The following TAFA1 variants were observed in gnomAD, a reference collection of about 807,000 sequenced individuals.
The protein encoded by TAFA1 is chemokine-like protein TAFA-1.
A neutral mutation model predicts 18.5 loss-of-function variants in TAFA1; 4 were observed. The observed-to-expected ratio is 0.22, with a 90% CI of 0.11 to 0.49. The LOEUF is 0.49. TAFA1 is among the 20% of genes least tolerant of loss of function. TAFA1 has a pLI of 0.98. For synonymous variants in TAFA1, 56 were observed against 55.2 expected, an observed-to-expected ratio of 1.01 and a Z score of -0.06; for missense variants, 147 against 169.0, an observed-to-expected ratio of 0.87 and a Z score of 0.72.
chr3:68,469,400 C>T (rs1007958914), intron 3 of TAFA1, among the ~76,000 whole-genome samples: 6 of 152,070 alleles, frequency 3.9e-5, no homozygotes, highest in African/African-American at 7.2e-5. Context: ...GAGGGCCGGG[C>T]GCAGTGGCTC....
At chr3:68,362,314 G>C (rs767815352) in intron 2 of TAFA1, among the ~76,000 whole-genome samples, 1 of 152,118 alleles carries the variant, frequency 6.6e-6, no homozygotes, top group Admixed American at 6.6e-5. Context: ...AAAAGGGGAT[G>C]TCATTATTCA....
intron 2 of TAFA1, among the ~76,000 whole-genome samples, chr3:68,098,123 TG>T (rs2065108632): frequency 6.6e-6 from 1 of 152,214 alleles, no homozygotes; most frequent in Non-Finnish European, 1.5e-5. Flanking sequence ...TGCAGAATTA[TG>T]TTATTCCTTT....
At chr3:68,232,493 T>C (rs568391259) in intron 2 of TAFA1, among the ~76,000 whole-genome samples, 1 of 152,234 alleles carries the variant, frequency 6.6e-6, no homozygotes, top group East Asian at 1.9e-4. Flanking sequence ...TTTTGGCTAT[T>C]GTGAATAGTG....
chr3:68,103,774 C>T (rs559171592), intron 2 of TAFA1, among the ~76,000 whole-genome samples: 1 of 152,236 alleles, frequency 6.6e-6, no homozygotes, highest in Admixed American at 6.5e-5. Flanking sequence ...CAGGCTCTGT[C>T]CTAAACACCT....
At chr3:68,539,133 G>C (rs1256543161) in intron 4 of TAFA1, among the ~76,000 whole-genome samples, 1 of 152,172 alleles carries the variant, frequency 6.6e-6, no homozygotes, top group Non-Finnish European at 1.5e-5. Context: ...AGCCAGAGTG[G>C]AGAGGAATCA....
chr3:68,464,316 A>C (rs1041357750), intron 3 of TAFA1, among the ~76,000 whole-genome samples: 1 of 152,234 alleles, frequency 6.6e-6, no homozygotes, highest in Non-Finnish European at 1.5e-5. Flanking sequence ...AATTTCAAAT[A>C]GTGAAATTAC....
intron 3 of TAFA1, among the ~76,000 whole-genome samples, chr3:68,421,511 A>G (rs1349844372): frequency 6.6e-6 from 1 of 152,152 alleles, no homozygotes; most frequent in Non-Finnish European, 1.5e-5. Flanking sequence ...GAAATTTCAT[A>G]TACCTGGATG....
At chr3:68,162,176 A>C (rs933052278) in intron 2 of TAFA1, among the ~76,000 whole-genome samples, 2 of 152,104 alleles carry the variant, frequency 1.3e-5, no homozygotes, top group African/African-American at 4.8e-5. Context: ...TTCAGGATCA[A>C]AGGTTCCTCA....
chr3:68,075,354 T>C (rs1314216257), intron 2 of TAFA1, among the ~76,000 whole-genome samples: 2 of 152,350 alleles, frequency 1.3e-5, no homozygotes, highest in East Asian at 3.9e-4. Context: ...TCCTTTTCTA[T>C]AAGCTGATTC....
chr3:68,132,759 G>A (rs2065558140), intron 2 of TAFA1, among the ~76,000 whole-genome samples: 1 of 152,030 alleles, frequency 6.6e-6, no homozygotes, highest in South Asian at 2.1e-4. Context: ...TAAGTTCTTT[G>A]TAGATTCTGG....
intron 2 of TAFA1, among the ~76,000 whole-genome samples, chr3:68,394,013 G>A (rs2070322175): frequency 6.6e-6 from 1 of 152,022 alleles, no homozygotes; most frequent in African/African-American, 2.4e-5. Flanking sequence ...GTTCTAGCCA[G>A]GGCAATCAGT....
chr3:68,364,027 A>T (rs2069522121), intron 2 of TAFA1, among the ~76,000 whole-genome samples: 1 of 152,230 alleles, frequency 6.6e-6, no homozygotes, highest in Non-Finnish European at 1.5e-5. Context: ...GGAATCTCAG[A>T]AATGAAGATT....
intron 2 of TAFA1, among the ~76,000 whole-genome samples, chr3:68,041,504 G>A (rs939709986): frequency 6.6e-6 from 1 of 152,072 alleles, no homozygotes; most frequent in Non-Finnish European, 1.5e-5. Context: ...TTTCCTGATA[G>A]GGATAACTCA....
At chr3:68,057,813 A>G (rs1410175871) in intron 2 of TAFA1, among the ~76,000 whole-genome samples, 1 of 152,188 alleles carries the variant, frequency 6.6e-6, no homozygotes, top group Non-Finnish European at 1.5e-5. Flanking sequence ...GAGTGGCACA[A>G]TGGTTGGTTT....
At chr3:68,087,310 T>C (rs1020170926) in intron 2 of TAFA1, among the ~76,000 whole-genome samples, 17 of 152,274 alleles carry the variant, frequency 1.1e-4, no homozygotes, top group Admixed American at 5.2e-4. Context: ...ATAATTACTA[T>C]CAATATTTTC....
chr3:68,182,050 C>CA (rs913233992), intron 2 of TAFA1, among the ~76,000 whole-genome samples: 11 of 151,934 alleles, frequency 7.2e-5, no homozygotes, highest in African/African-American at 2.4e-4. Flanking sequence ...CTACACAAAG[C>CA]AAAAAACATT....
At chr3:68,034,471 A>G (rs1705003750) in intron 2 of TAFA1, among the ~76,000 whole-genome samples, 2 of 152,218 alleles carry the variant, frequency 1.3e-5, no homozygotes, top group South Asian at 4.1e-4. Context: ...ACACTTAGCA[A>G]GTAAGGGAGA....
intron 2 of TAFA1, among the ~76,000 whole-genome samples, chr3:68,411,512 A>G (rs542794120): frequency 6.6e-6 from 1 of 152,370 alleles, no homozygotes; most frequent in African/African-American, 2.4e-5. Flanking sequence ...AAAGAATCTG[A>G]ATAAAGCCTA....
intron 2 of TAFA1, among the ~76,000 whole-genome samples, chr3:68,270,650 C>T (rs2067647326): frequency 6.6e-6 from 1 of 152,118 alleles, no homozygotes; most frequent in Non-Finnish European, 1.5e-5. Context: ...AACTCAAGTA[C>T]CCTTCCTTTT....
Sources: allele counts gnomAD v4.1 joint callset (sites outside exome capture counted in the v4.1 genomes callset), GRCh38; gene constraint gnomAD v4.1.1; transcripts MANE v1.5; gene names NCBI Gene and HGNC (gene_info 2026-07-23, HGNC 2026-07-21).